The following KLF8 variants were observed in gnomAD, a reference collection of about 807,000 sequenced individuals.
KLF8 encodes Krueppel-like factor 8.
KLF8 carries 10 observed loss-of-function variants against 18.2 expected under a neutral mutation model. That is an observed-to-expected ratio of 0.55 (90% CI 0.34 to 0.93). The LOEUF is 0.93. Ranked by LOEUF, KLF8 falls within the 40% of genes least tolerant of loss-of-function variation. KLF8 has a pLI of 0.02. For missense variants in KLF8, 264 were observed against 277.9 expected, an observed-to-expected ratio of 0.95 and a Z score of 0.36; for synonymous variants, 109 against 97.3, an observed-to-expected ratio of 1.12 and a Z score of -0.71.
the KLF8 span, among the ~76,000 whole-genome samples, chrX:56,158,191 G>C: frequency 4.1e-4 from 46 of 111,688 alleles, no homozygotes; most frequent in African/African-American, 1.5e-3. Context: ...TCAAAGATCA[G>C]ATGGTTGTAG....
At chrX:56,245,205 G>A (rs2066607002) in intron 1 of KLF8, among the ~76,000 whole-genome samples, 1 of 111,960 alleles carries the variant, frequency 8.9e-6, no homozygotes, top group South Asian at 3.7e-4. Flanking sequence ...CCCGGGTCAG[G>A]GTTTCCAGTG....
chrX:56,100,797 T>A, the KLF8 span, among the ~76,000 whole-genome samples: 1 of 112,065 alleles, frequency 8.9e-6, no homozygotes, highest in Non-Finnish European at 1.9e-5. Flanking sequence ...CTTGAATGGA[T>A]GAGGAATTGT....
At chrX:56,245,527 G>A (rs1484643156) in intron 1 of KLF8, among the ~76,000 whole-genome samples, 2 of 111,888 alleles carry the variant, frequency 1.8e-5, no homozygotes, top group African/African-American at 6.5e-5. Flanking sequence ...TGACCCACTG[G>A]CGATGGGACT....
At chrX:56,151,836 G>A in the KLF8 span, among the ~76,000 whole-genome samples, 1 of 111,397 alleles carries the variant, frequency 9.0e-6, no homozygotes, top group Admixed American at 9.6e-5. Context: ...ATTGGAGGGA[G>A]AAGAGAAAAG....
chrX:55,990,763 C>T, the KLF8 span, among the ~76,000 whole-genome samples: 1 of 112,170 alleles, frequency 8.9e-6, no homozygotes, highest in African/African-American at 3.2e-5. Context: ...GCTGGAGGTC[C>T]ACTCCAGACC....
chrX:56,127,338 A>T, the KLF8 span, among the ~76,000 whole-genome samples: 27 of 110,989 alleles, frequency 2.4e-4, no homozygotes, highest in Non-Finnish European at 3.4e-4. Context: ...TAAAACATGA[A>T]CTCCAGCCTC....
intron 1 of KLF8, among the ~76,000 whole-genome samples, chrX:56,245,579 A>G: frequency 9.0e-6 from 1 of 111,605 alleles, no homozygotes; most frequent in Admixed American, 9.6e-5. Flanking sequence ...TTCCTTCTAT[A>G]GGACCCATGC....
At chrX:56,136,887 T>A in the KLF8 span, among the ~76,000 whole-genome samples, 4 of 110,580 alleles carry the variant, frequency 3.6e-5, no homozygotes, top group African/African-American at 9.8e-5. Flanking sequence ...GAATTTACAA[T>A]GAACTCAAAC....
chrX:56,204,689 G>A, the KLF8 span, among the ~76,000 whole-genome samples: 1 of 110,845 alleles, frequency 9.0e-6, no homozygotes, highest in African/African-American at 3.3e-5. Context: ...TAATCATATG[G>A]CTTTTCTCCT....
the KLF8 span, among the ~76,000 whole-genome samples, chrX:55,933,513 G>A: frequency 8.9e-6 from 1 of 112,069 alleles, no homozygotes; most frequent in Non-Finnish European, 1.9e-5. Context: ...ACCAGTTTAA[G>A]GGGATATAAT....
chrX:56,069,848 C>T, the KLF8 span, among the ~76,000 whole-genome samples: 21 of 112,481 alleles, frequency 1.9e-4, no homozygotes, highest in Admixed American at 2.0e-3. Flanking sequence ...TGTGACGATT[C>T]CTCAAGGATC....
chrX:55,949,848 A>G, the KLF8 span, among the ~76,000 whole-genome samples: 1 of 111,013 alleles, frequency 9.0e-6, no homozygotes, highest in Non-Finnish European at 1.9e-5. Flanking sequence ...TGATGCCTGC[A>G]GGACTCTCCC....
At chrX:55,983,022 G>A in the KLF8 span, among the ~76,000 whole-genome samples, 1 of 111,736 alleles carries the variant, frequency 8.9e-6, no homozygotes, top group Non-Finnish European at 1.9e-5. Context: ...GGAAATCTAT[G>A]TTGTTGTCAT....
At chrX:56,191,729 T>C in the KLF8 span, among the ~76,000 whole-genome samples, 5 of 111,626 alleles carry the variant, frequency 4.5e-5, no homozygotes, top group Non-Finnish European at 9.4e-5. Context: ...ATGATCATTC[T>C]TGATCATTTC....
chrX:55,914,609 A>G, the KLF8 span, among the ~76,000 whole-genome samples: 3 of 111,851 alleles, frequency 2.7e-5, no homozygotes, highest in East Asian at 8.4e-4. Context: ...AGACGGTCAG[A>G]GAAGACTTGC....
At position 56,290,958 on chromosome X, in the gene KLF8, G is replaced by A. The variant is rs1287704043; in HGVS notation, c.*6464G>A. Among the ~76,000 whole-genome samples, 2 of 111,369 alleles carry A rather than the reference G, an allele frequency of 1.8e-5. No individual in the cohort carries two copies. The highest frequency in any genetic ancestry group is 3.8e-5 in the Non-Finnish European group (2 of 53,042). Reference sequence around the variant, plus strand: ...TCCTAGAGTCGCTACAAGTAGCTGTGTTGGACATTACTTTATAACTATGCT... The same window carrying A: ...TCCTAGAGTCGCTACAAGTAGCTGTATTGGACATTACTTTATAACTATGCT... On this transcript the variant is annotated 3_prime_UTR_variant, in exon 6 of 6. Transcript: ENST00000468660.
chrX:56,264,285 A>C (rs2066928186), intron 2 of KLF8, among the ~76,000 whole-genome samples: 1 of 111,238 alleles, frequency 9.0e-6, no homozygotes, highest in South Asian at 3.7e-4. Context: ...TTAGTTTTTT[A>C]TTAAAAACTA....
At chrX:56,007,138 A>G in the KLF8 span, among the ~76,000 whole-genome samples, 16 of 112,258 alleles carry the variant, frequency 1.4e-4, no homozygotes, top group African/African-American at 4.2e-4. Context: ...GAGGCAGCCT[A>G]TCCAGTGCAC....
chrX:56,072,420 A>G, the KLF8 span, among the ~76,000 whole-genome samples: 6 of 111,939 alleles, frequency 5.4e-5, no homozygotes, highest in East Asian at 2.8e-4. Flanking sequence ...TTACCAGTCA[A>G]TAGTCTATAT....
Sources: allele counts gnomAD v4.1 joint callset (sites outside exome capture counted in the v4.1 genomes callset), GRCh38; gene constraint gnomAD v4.1.1; transcripts MANE v1.5; gene names NCBI Gene and HGNC (gene_info 2026-07-23, HGNC 2026-07-21).